Variants in STXBP5L observed in about 807,000 individuals in gnomAD.
The protein encoded by STXBP5L is syntaxin binding protein 5L.
STXBP5L carries 65 observed loss-of-function variants against 144.5 expected under a neutral mutation model. The observed-to-expected ratio is 0.45, with a 90% CI of 0.37 to 0.55. The LOEUF is 0.55. STXBP5L is among the 20% of genes least tolerant of loss of function. The pLI, the probability that STXBP5L is intolerant of heterozygous loss-of-function variation, is 0.00. For missense variants in STXBP5L, 1,298 were observed against 1,405.5 expected, an observed-to-expected ratio of 0.92 and a Z score of 1.22; for synonymous variants, 505 against 469.6, an observed-to-expected ratio of 1.08 and a Z score of -0.97.
chr3:121,392,372 G>T lies in STXBP5L; in HGVS notation c.2587+10840G>T, dbSNP rs527702709. On this transcript the variant is annotated intron_variant, in intron 22 of 26. Transcript: ENST00000471454. The stretch of plus-strand genomic sequence containing the variant: ...TGCGCTTCCCAGGTAAGGTGACAAT[G>T]CCCCACCCTGCTTCAGCTCACTCTC... Among the ~76,000 whole-genome samples, 6 of 152,166 alleles carry T rather than the reference G, an allele frequency of 3.9e-5. No homozygotes were observed. In the South Asian group the frequency reaches 1.2e-3, roughly 32 times the overall value.
At chr3:121,015,656 G>A (rs899808233) in intron 3 of STXBP5L, among the ~76,000 whole-genome samples, 2 of 152,132 alleles carry the variant, frequency 1.3e-5, no homozygotes, top group Non-Finnish European at 2.9e-5. Flanking sequence ...ATTCCTTTAT[G>A]ACTCTGGCAG....
At chr3:121,411,045 C>T (rs1310092800) in intron 23 of STXBP5L, among the ~76,000 whole-genome samples, 4 of 152,072 alleles carry the variant, frequency 2.6e-5, no homozygotes, top group Non-Finnish European at 2.9e-5. Flanking sequence ...GGTTTGGACT[C>T]ATATCTTAAG....
At chr3:121,118,921 T>C (rs1299864759) in intron 6 of STXBP5L, among the ~76,000 whole-genome samples, 1 of 151,464 alleles carries the variant, frequency 6.6e-6, no homozygotes, top group Admixed American at 6.6e-5. Flanking sequence ...TTTATAAGAC[T>C]TTCAAGTGGA....
chr3:121,325,903 A>G (rs747550662), intron 20 of STXBP5L, among the ~76,000 whole-genome samples: 8 of 151,876 alleles, frequency 5.3e-5, no homozygotes, highest in African/African-American at 1.9e-4. Flanking sequence ...TCACTGTGCT[A>G]GTAATGGCTT....
At chr3:121,236,630 T>C (rs1047875637) in intron 12 of STXBP5L, among the ~76,000 whole-genome samples, 3 of 152,208 alleles carry the variant, frequency 2.0e-5, no homozygotes, top group African/African-American at 7.2e-5. Context: ...AATCTGCCCC[T>C]GTGAAGGGGA....
intron 3 of STXBP5L, among the ~76,000 whole-genome samples, chr3:120,965,539 T>C (rs1411240786): frequency 1.3e-5 from 2 of 152,216 alleles, no homozygotes; most frequent in African/African-American, 4.8e-5. Context: ...TTATGAAGCC[T>C]AGTTTGGCTG....
intron 5 of STXBP5L, among the ~76,000 whole-genome samples, chr3:121,108,912 G>C (rs1231614876): frequency 6.6e-6 from 1 of 152,006 alleles, no homozygotes; most frequent in African/African-American, 2.4e-5. Flanking sequence ...GTCTATTCAG[G>C]GGTTTAACTT....
At position 121,016,110 on chromosome 3, in the gene STXBP5L, A is replaced by T. The variant is rs760137699; in HGVS notation, c.288-25590A>T. ...TATGGCTATAGCACACATCAAGTGCACTTACACAGATTAACGTAAATACTC... is the reference window on the plus strand; with the variant it reads ...TATGGCTATAGCACACATCAAGTGCTCTTACACAGATTAACGTAAATACTC... On this transcript the variant is annotated intron_variant, in intron 3 of 26. Transcript: ENST00000471454. Among the ~76,000 whole-genome samples the T allele has an allele frequency of 6.6e-5, 10 of 152,224 alleles. No individual in the cohort carries two copies. The East Asian group carries it at 7.7e-4, about 12-fold the overall frequency.
chr3:121,367,607 T>G (rs1318163434), intron 20 of STXBP5L, among the ~76,000 whole-genome samples: 9 of 140,784 alleles, frequency 6.4e-5, no homozygotes, highest in South Asian at 2.3e-4. Context: ...TTTTTTTTTT[T>G]TTTTTTTTTT....
At chr3:120,978,039 C>T (rs1334719974) in intron 3 of STXBP5L, among the ~76,000 whole-genome samples, 1 of 152,146 alleles carries the variant, frequency 6.6e-6, no homozygotes, top group Non-Finnish European at 1.5e-5. Context: ...TTGCTCTTCT[C>T]AAGGAGGATC....
At chr3:121,363,837 A>G (rs1015206351) in intron 20 of STXBP5L, among the ~76,000 whole-genome samples, 3 of 152,078 alleles carry the variant, frequency 2.0e-5, no homozygotes, top group Non-Finnish European at 2.9e-5. Context: ...CTATTCTGCC[A>G]TCTTGCTATG....
chr3:121,311,733 G>A (rs2043536123), intron 19 of STXBP5L, among the ~76,000 whole-genome samples: 1 of 152,196 alleles, frequency 6.6e-6, no homozygotes, highest in Non-Finnish European at 1.5e-5. Flanking sequence ...TTCATGGGTA[G>A]GAAGAAGCAA....
At chr3:121,097,289 A>G (rs1440156832) in intron 5 of STXBP5L, among the ~76,000 whole-genome samples, 1 of 152,094 alleles carries the variant, frequency 6.6e-6, no homozygotes, top group Admixed American at 6.5e-5. Context: ...TGGCTCCCTG[A>G]CTTCAGCACC....
intron 9 of STXBP5L, among the ~76,000 whole-genome samples, chr3:121,196,287 G>A (rs1014586833): frequency 6.6e-6 from 1 of 151,548 alleles, no homozygotes; most frequent in Non-Finnish European, 1.5e-5. Context: ...AGCCTCCCAT[G>A]ACATGCCTGG....
intron 20 of STXBP5L, among the ~76,000 whole-genome samples, chr3:121,373,897 A>G (rs1213344118): frequency 6.6e-6 from 1 of 152,092 alleles, no homozygotes; most frequent in East Asian, 1.9e-4. Flanking sequence ...TGCCAGTGCC[A>G]ATGCATGCAT....
rs544274464 is a variant in STXBP5L, at chr3:121,177,841, G to A, written c.877+20214G>A. The stretch of plus-strand genomic sequence containing the variant: ...TGTGTATACTCATATTCATTGACAC[G>A]TTATTCATAAGAGCCAAAAGAAGCA... On this transcript the variant is annotated intron_variant, in intron 9 of 26. Coordinates refer to ENST00000471454, the MANE Select transcript of STXBP5L (RefSeq NM_001308330.2). Among the ~76,000 whole-genome samples, 26 of 152,286 alleles carry A rather than the reference G, an allele frequency of 1.7e-4. No individual in the cohort carries two copies. The South Asian group carries it at 2.7e-3, about 16-fold the overall frequency.
intron 3 of STXBP5L, among the ~76,000 whole-genome samples, chr3:120,961,858 C>T (rs1449209244): frequency 3.3e-5 from 5 of 152,186 alleles, no homozygotes; most frequent in Non-Finnish European, 5.9e-5. Flanking sequence ...CACTGTCTTC[C>T]ACAATAGTTG....
chr3:121,128,193 A>G lies in STXBP5L; in HGVS notation c.669+6489A>G, dbSNP rs376875780. 5.9e-5 allele frequency among the ~76,000 whole-genome samples: 9 copies of G among 152,188 alleles called. No individual in the cohort carries two copies. The East Asian group carries it at 1.7e-3, about 29-fold the overall frequency. On this transcript the variant is annotated intron_variant, in intron 7 of 26. Transcript: ENST00000471454. ...GAGGAGGGTTTATTTTTATGGGGGC[A>G]GTTACTTATGATTTTGGATTCGGTG...
intron 3 of STXBP5L, among the ~76,000 whole-genome samples, chr3:120,967,394 G>C (rs1939723267): frequency 6.6e-6 from 1 of 152,160 alleles, no homozygotes; most frequent in Non-Finnish European, 1.5e-5. Context: ...CACACTGGGA[G>C]CTGCAGACTG....
Sources: allele counts gnomAD v4.1 joint callset (sites outside exome capture counted in the v4.1 genomes callset), GRCh38; gene constraint gnomAD v4.1.1; transcripts MANE v1.5; gene names NCBI Gene and HGNC (gene_info 2026-07-23, HGNC 2026-07-21).